LSG1: variants seen among roughly 807,000 people sequenced by gnomAD.
LSG1 encodes large 60S subunit nuclear export GTPase 1.
LSG1 carries 55 observed loss-of-function variants against 82.6 expected under a neutral mutation model. The ratio of observed to expected loss-of-function variants is 0.67; its 90% CI spans 0.54 to 0.83. LSG1 has a LOEUF of 0.83. Ranked by LOEUF, LSG1 falls within the 40% of genes least tolerant of loss-of-function variation. LSG1 has a pLI of 0.00. For missense variants in LSG1, 809 were observed against 807.9 expected (o/e 1.00, Z -0.02); for synonymous variants, 272 against 282.5 (o/e 0.96, Z 0.37).
intron 1 of LSG1, 47 bp downstream of exon 1, chr3:194,672,017 C>T (rs1206806089): frequency 1.3e-6 from 2 of 1,565,426 alleles, no homozygotes; most frequent in African/African-American, 1.4e-5. Context: ...TTTTGCAGCA[C>T]TCAGGCTAGA....
At chr3:194,648,904 A>G in intron 10 of LSG1, 100 bp from the exon 11 acceptor site, 4 of 1,154,724 alleles carry the variant, frequency 3.5e-6, no homozygotes, top group Non-Finnish European at 5.1e-6. Context: ...CGCGTGTGAC[A>G]AACACTCTCT....
chr3:194,666,451 C>T lies in LSG1; in HGVS notation c.347+1G>A. The T allele has an allele frequency of 1.2e-6, 2 of 1,612,656 alleles. No individual in the cohort carries two copies. Among genetic ancestry groups the T allele is most frequent in the East Asian group, 2.2e-5 (1 of 44,872 alleles). On this transcript the variant is annotated splice_donor_variant, in intron 3 of 13. Transcript: ENST00000265245. LOFTEE classifies it high-confidence loss of function. ...GCATTCTAAATTCTTCTTCAGCTCACCTCCTCGGTATACACAAGAACTGTT... is the reference window on the plus strand; with the variant it reads ...GCATTCTAAATTCTTCTTCAGCTCATCTCCTCGGTATACACAAGAACTGTT...
intron 2 of LSG1, among the ~76,000 whole-genome samples, chr3:194,669,506 C>A (rs1469609870): frequency 6.6e-6 from 1 of 152,130 alleles, no homozygotes; most frequent in Non-Finnish European, 1.5e-5. Context: ...CACATCCCGC[C>A]CCCTGCACCA....
chr3:194,669,861 G>A, intron 2 of LSG1, 148 bp downstream of exon 2: 3 of 829,164 alleles, frequency 3.6e-6, no homozygotes, highest in Non-Finnish European at 5.5e-6. Context: ...GAACCCAGGA[G>A]GCGGAGCTGC....
At chr3:194,645,178 TC>T (rs1313944091) in intron 12 of LSG1, 4 of 153,582 alleles carry the variant, frequency 2.6e-5, no homozygotes, top group African/African-American at 9.6e-5. Flanking sequence ...CAAGTCTGCC[TC>T]TTTCCATCAT....
At chr3:194,661,941 A>C (rs1206060344) in intron 5 of LSG1, among the ~76,000 whole-genome samples, 1 of 152,212 alleles carries the variant, frequency 6.6e-6, no homozygotes, top group Non-Finnish European at 1.5e-5. Flanking sequence ...ACAGTGTAAG[A>C]GGGGCTTCCT....
chr3:194,657,910 T>C (rs1718835316), intron 7 of LSG1, among the ~76,000 whole-genome samples: 1 of 151,976 alleles, frequency 6.6e-6, no homozygotes, highest in Non-Finnish European at 1.5e-5. Context: ...CAAAGAGAAA[T>C]ATGCAACTTT....
Position 194,665,709 on chromosome 3 carries a change from T to C in LSG1, c.435-66A>G, listed in dbSNP as rs1359775276. On this transcript the variant is annotated intron_variant, in intron 4 of 13. Coordinates refer to ENST00000265245, the MANE Select transcript of LSG1 (RefSeq NM_018385.3). ...AATAGACAATTTTTAGCAGTGTAAATGCTCAAATTTATTACATTAAAAATA... is the reference window on the plus strand; with the variant it reads ...AATAGACAATTTTTAGCAGTGTAAACGCTCAAATTTATTACATTAAAAATA... 6 of 874,152 alleles carry C rather than the reference T, an allele frequency of 6.9e-6. No homozygotes were observed. The East Asian group carries it at 1.5e-4, about 22-fold the overall frequency. 54.1% of individuals were successfully genotyped at this position (874,152 alleles called of 1,614,324 possible).
Position 194,641,990 on chromosome 3 carries a change from A to T in LSG1, c.*78T>A, listed in dbSNP as rs1199968541. 4 of 1,494,430 alleles carry T rather than the reference A, an allele frequency of 2.7e-6. No individual in the cohort carries two copies. The highest frequency in any genetic ancestry group is 1.8e-5 in the Admixed American group (1 of 54,668). 92.6% of individuals were successfully genotyped at this position (1,494,430 alleles called of 1,614,324 possible). On this transcript the variant is annotated 3_prime_UTR_variant, in exon 14 of 14. Coordinates refer to ENST00000265245, the MANE Select transcript of LSG1 (RefSeq NM_018385.3). Reference sequence around the variant, plus strand: ...CGTTCTACAGTGCTAGTGTCTTGGGACGGTTCCACAGGCAACAGGCAGCTT... The same window carrying T: ...CGTTCTACAGTGCTAGTGTCTTGGGTCGGTTCCACAGGCAACAGGCAGCTT...
At position 194,665,176 on chromosome 3, in the gene LSG1, G is replaced by A. The variant is rs992355478; in HGVS notation, c.521+381C>T. Among the ~76,000 whole-genome samples the A allele has an allele frequency of 2.6e-5, 4 of 152,214 alleles. No homozygotes were observed. The South Asian group carries it at 8.3e-4, about 32-fold the overall frequency. ...CATTTAGCTGAACATGGTGTAACTC[G>A]GCTGACAGGAGCTCTGACATTCGCC... On this transcript the variant is annotated intron_variant, in intron 5 of 13. Transcript: ENST00000265245.
intron 7 of LSG1, among the ~76,000 whole-genome samples, chr3:194,653,718 G>A (rs1243928949): frequency 6.6e-6 from 1 of 152,066 alleles, no homozygotes; most frequent in Non-Finnish European, 1.5e-5. Flanking sequence ...TCTGTACAAA[G>A]AACATGTATT....
intron 10 of LSG1, among the ~76,000 whole-genome samples, chr3:194,649,837 T>C (rs1489582923): frequency 6.6e-6 from 1 of 152,204 alleles, no homozygotes; most frequent in Non-Finnish European, 1.5e-5. Flanking sequence ...TATTTTCTGC[T>C]AGTATCTACA....
chr3:194,647,171 T>C (rs1718571630), intron 11 of LSG1, among the ~76,000 whole-genome samples: 1 of 152,178 alleles, frequency 6.6e-6, no homozygotes, highest in African/African-American at 2.4e-5. Flanking sequence ...AGTAAGTAAA[T>C]ATTACAGGAA....
rs1426919678 is a variant in LSG1 at position 194,642,064 on chromosome 3, A to G, written c.*4T>C. ...GCAGATGACATTTCTGTTGCAGCCCAACCTCACATATCCAGGTGCTTGTAG... is the reference window on the plus strand; with the variant it reads ...GCAGATGACATTTCTGTTGCAGCCCGACCTCACATATCCAGGTGCTTGTAG... On this transcript the variant is annotated 3_prime_UTR_variant, in exon 14 of 14. Coordinates refer to ENST00000265245, the MANE Select transcript of LSG1 (RefSeq NM_018385.3). 5 of 1,611,538 alleles carry G rather than the reference A, an allele frequency of 3.1e-6. No individual in the cohort carries two copies. Among genetic ancestry groups the G allele is most frequent in the Non-Finnish European group, 4.2e-6 (5 of 1,179,744 alleles).
chr3:194,644,112 C>T (rs1718457838), intron 13 of LSG1, among the ~76,000 whole-genome samples: 1 of 152,010 alleles, frequency 6.6e-6, no homozygotes, highest in Non-Finnish European at 1.5e-5. Context: ...CCTGTAATCC[C>T]AGCACTTTGG....
intron 5 of LSG1, among the ~76,000 whole-genome samples, chr3:194,663,720 G>C (rs57131873): frequency 6.3e-4 from 6 of 9,584 alleles, no homozygotes; most frequent in African/African-American, 3.1e-3. Context: ...CTCAGAGAAA[G>C]CCTTTCCCTT....
At chr3:194,671,449 C>T (rs1719137955) in intron 1 of LSG1, among the ~76,000 whole-genome samples, 1 of 152,144 alleles carries the variant, frequency 6.6e-6, no homozygotes, top group South Asian at 2.1e-4. Flanking sequence ...GATCTTAGCA[C>T]TCAACATGTT....
chr3:194,650,128 C>T (rs1718644546), intron 10 of LSG1, among the ~76,000 whole-genome samples: 2 of 152,170 alleles, frequency 1.3e-5, no homozygotes, highest in Admixed American at 1.3e-4. Context: ...CCATGTTGGC[C>T]AGGCTGGTCT....
intron 7 of LSG1, among the ~76,000 whole-genome samples, chr3:194,654,112 G>A (rs1412623314): frequency 6.6e-6 from 1 of 151,610 alleles, no homozygotes; most frequent in African/African-American, 2.4e-5. Context: ...GACGGTGGTT[G>A]GCATGTTTAA....
Sources: allele counts gnomAD v4.1 joint callset (sites outside exome capture counted in the v4.1 genomes callset), GRCh38; gene constraint gnomAD v4.1.1; transcripts MANE v1.5; gene names NCBI Gene and HGNC (gene_info 2026-07-23, HGNC 2026-07-21).